The following GET1 variants were observed in gnomAD, a reference collection of about 807,000 sequenced individuals.
GET1 encodes congenital heart disease 5 protein.
A neutral mutation model predicts 22.6 loss-of-function variants in GET1; 20 were observed. The observed-to-expected ratio is 0.89, with a 90% CI of 0.62 to 1.29. The LOEUF (loss-of-function observed/expected upper bound fraction) is 1.29. Ranked by LOEUF, GET1 falls within the 50% of genes most tolerant of loss-of-function variation. The pLI is 0.00. For missense variants in GET1, 209 were observed against 219.9 expected (o/e 0.95, Z 0.31); for synonymous variants, 92 against 83.8 (o/e 1.10, Z -0.53).
chr21:39,401,736 G>T (rs1159896273), downstream of GET1, among the ~76,000 whole-genome samples: 1 of 152,132 alleles, frequency 6.6e-6, no homozygotes, highest in African/African-American at 2.4e-5. Flanking sequence ...CACAGCATGT[G>T]CTCACTTTGT....
At chr21:39,422,460 T>A (rs1325002944) in intron 1 of GET1, 3 of 154,778 alleles carry the variant, frequency 1.9e-5, no homozygotes, top group Non-Finnish European at 4.3e-5. Flanking sequence ...CCCAGGAACA[T>A]TATCTGGGAA....
At chr21:39,425,595 T>A (rs927022148) in intron 1 of GET1, among the ~76,000 whole-genome samples, 1 of 152,146 alleles carries the variant, frequency 6.6e-6, no homozygotes, top group African/African-American at 2.4e-5. Context: ...TGTCTGTGGT[T>A]TTGTTGAGGC....
At position 39,427,014 on chromosome 21, in the gene GET1, G is replaced by A. The variant is rs563612252; in HGVS notation, c.*24-1218G>A. On this transcript the variant is annotated intron_variant, in intron 1 of 1. Transcript: ENST00000478273. ...TGTGTCTTAGATAAAGAATCCCTGT[G>A]CTATAGCAGGGGAACTGAAGATTCT... Among the ~76,000 whole-genome samples the A allele has an allele frequency of 3.9e-5, 6 of 152,356 alleles. No homozygotes were observed. In the East Asian group the frequency reaches 1.2e-3, roughly 29 times the overall value.
At chr21:39,384,605 G>A (rs959088945) in intron 1 of GET1, among the ~76,000 whole-genome samples, 1 of 149,952 alleles carries the variant, frequency 6.7e-6, no homozygotes, top group Admixed American at 6.7e-5. Flanking sequence ...AGGGATACAT[G>A]TGCGGGTTTG....
At chr21:39,417,338 C>T (rs2041387586) in intron 1 of GET1, among the ~76,000 whole-genome samples, 1 of 152,136 alleles carries the variant, frequency 6.6e-6, no homozygotes, top group African/African-American at 2.4e-5. Flanking sequence ...CTGTACCCAG[C>T]TGCTTTTTAG....
At chr21:39,416,766 A>G (rs1306495409) in intron 1 of GET1, among the ~76,000 whole-genome samples, 1 of 152,202 alleles carries the variant, frequency 6.6e-6, no homozygotes, top group Admixed American at 6.5e-5. Flanking sequence ...AAACAACAAC[A>G]TCAACATCAT....
At chr21:39,389,108 C>T (rs2038127115) in intron 1 of GET1, among the ~76,000 whole-genome samples, 1 of 151,978 alleles carries the variant, frequency 6.6e-6, no homozygotes, top group Admixed American at 6.6e-5. Flanking sequence ...TCTTCCCTTC[C>T]TTCCTTCACC....
rs1200946408 is a variant in GET1, at chr21:39,397,095, C to T, written c.*156C>T. 6 of 735,956 alleles carry T rather than the reference C, an allele frequency of 8.2e-6. No individual in the cohort carries two copies. Among genetic ancestry groups the T allele is most frequent in the African/African-American group, 1.8e-5 (1 of 55,902 alleles). 45.6% of individuals were successfully genotyped at this position (735,956 alleles called of 1,614,324 possible). A position where few individuals can be genotyped will look rare whatever the true frequency, so the allele number is the denominator to read the frequency against. On this transcript the variant is annotated 3_prime_UTR_variant, in exon 5 of 5. Coordinates refer to ENST00000649170, the MANE Select transcript of GET1 (RefSeq NM_004627.6). ...TTGTTCTTGGACTTTATGAGAGAGT[C>T]TTATAAGAATCACGATTTTCTACAC...
chr21:39,396,872 T>G lies in GET1; in HGVS notation c.458T>G (p.Val153Gly). The G allele has an allele frequency of 1.9e-6, 3 of 1,614,018 alleles. No individual in the cohort carries two copies. Among genetic ancestry groups the G allele is most frequent in the African/African-American group, 1.3e-5 (1 of 75,018 alleles). The change falls in exon 5 of 5, where the codon GTT becomes GGT. Residue 153 changes from valine to glycine, a missense_variant. Val to Gly is a moderately radical substitution (Grantham distance 109). Coordinates refer to ENST00000649170, the MANE Select transcript of GET1 (RefSeq NM_004627.6). ...TGAATGTCTTTGTTTTCAGGTGGTG[T>G]TGGAATTACCTGTTGGATTTTAGTC... ...VAFPTRVAGG[V>G]GITCWILVCN...
At chr21:39,389,083 C>T (rs890005096) in intron 1 of GET1, among the ~76,000 whole-genome samples, 4 of 152,048 alleles carry the variant, frequency 2.6e-5, no homozygotes, top group Admixed American at 2.6e-4. Context: ...TTCCTTCCTC[C>T]CTCCCTTCCT....
chr21:39,406,243 T>C (rs746728615), exon 5 of GET1: 1 of 1,614,254 alleles, frequency 6.2e-7, no homozygotes, highest in Non-Finnish European at 8.5e-7. Context: ...ACTATGACTG[T>C]ACCTCATGTT....
At chr21:39,419,139 C>A (rs781460792) in intron 1 of GET1, among the ~76,000 whole-genome samples, 5 of 152,056 alleles carry the variant, frequency 3.3e-5, no homozygotes, top group African/African-American at 9.7e-5. Context: ...CGTCCAGCTC[C>A]GCCCCAACTC....
intron 4 of GET1, among the ~76,000 whole-genome samples, chr21:39,404,810 T>TACAC (rs1036819788): frequency 4.1e-5 from 6 of 147,024 alleles, no homozygotes; most frequent in African/African-American, 1.5e-4. Context: ...ACTATATATA[T>TACAC]ACACACATAC....
intron 4 of GET1, among the ~76,000 whole-genome samples, chr21:39,393,719 T>C (rs1247568069): frequency 6.6e-6 from 1 of 152,152 alleles, no homozygotes; most frequent in Non-Finnish European, 1.5e-5. Flanking sequence ...CGATCTTGGC[T>C]CACTGCAACA....
At chr21:39,395,709 C>T (rs2038598940) in intron 4 of GET1, among the ~76,000 whole-genome samples, 1 of 152,156 alleles carries the variant, frequency 6.6e-6, no homozygotes. Context: ...CCACCCCTGT[C>T]CCCTTCCCCA....
chr21:39,413,060 C>A (rs897862568), intron 1 of GET1, among the ~76,000 whole-genome samples: 24 of 152,120 alleles, frequency 1.6e-4, no homozygotes, highest in Non-Finnish European at 1.5e-5. Flanking sequence ...CAGCAGGGGA[C>A]AATCACCAGG....
At position 39,390,895 on chromosome 21, in the gene GET1, T is replaced by G. The variant is rs2038256650; in HGVS notation, c.268+32T>G. ...TGTCCCTTGCAGCCTGGAGGCTTCA[T>G]GAGAGCGGATGAATAGAGAAGTCTG... On this transcript the variant is annotated intron_variant, in intron 2 of 4. Coordinates refer to ENST00000649170, the MANE Select transcript of GET1 (RefSeq NM_004627.6). The G allele has an allele frequency of 2.5e-6, 4 of 1,610,574 alleles. No homozygotes were observed. The South Asian group carries it at 3.3e-5, about 13-fold the overall frequency.
downstream of GET1, chr21:39,407,981 C>T (rs1267408990): frequency 1.3e-5 from 2 of 152,212 alleles, no homozygotes; most frequent in African/African-American, 2.4e-5. Flanking sequence ...AGGTGAGGCC[C>T]TTGGGCCTCT....
rs200492515 is a variant in GET1 at position 39,405,910 on chromosome 21, G to A, written c.350-4G>A. On this transcript the variant is annotated splice_polypyrimidine_tract_variant and splice_region_variant and intron_variant, in intron 4 of 4. Coordinates refer to the GET1 transcript ENST00000415847. ...AATAATTATTTTTCTTTTTCCTTCT[G>A]TAGGTGACGATGGCTTAATAGAATT... 2.4e-4 allele frequency: 377 copies of A among 1,597,268 alleles called. 1 individual carries two copies. Among genetic ancestry groups the A allele is most frequent in the Non-Finnish European group, 2.8e-4 (332 of 1,168,158 alleles).
Sources: gnomAD v4.1 joint callset for allele counts (sites outside exome capture counted in the v4.1 genomes callset) on GRCh38, gnomAD v4.1.1 for gene constraint, MANE v1.5 for transcripts, NCBI Gene and HGNC (gene_info 2026-07-23, HGNC 2026-07-21) for gene names.